RANBP9: variants seen among roughly 807,000 people sequenced by gnomAD.
RANBP9 encodes the protein ran-binding protein 9.
In RANBP9, 15 loss-of-function variants were observed where a neutral mutation model predicts 84.3. That is an observed-to-expected ratio of 0.18 (90% CI 0.12 to 0.27). RANBP9 has a LOEUF of 0.27. RANBP9 is among the 10% of genes least tolerant of loss of function. RANBP9 has a pLI of 1.00. For synonymous variants in RANBP9, 392 were observed against 349.6 expected, an observed-to-expected ratio of 1.12 and a Z score of -1.35; for missense variants, 809 against 912.8, an observed-to-expected ratio of 0.89 and a Z score of 1.46.
chr6:13,683,023 G>A (rs1373451616), intron 2 of RANBP9, among the ~76,000 whole-genome samples: 1 of 152,146 alleles, frequency 6.6e-6, no homozygotes, highest in Non-Finnish European at 1.5e-5. Context: ...AAATGTTGGG[G>A]AGGAAAACTC....
In RANBP9 at chr6:13,657,116, A is replaced by G; in HGVS notation, c.897T>C (p.His299=). The change falls in exon 4 of 14, where the codon CAT becomes CAC. Residue 299 remains histidine, a synonymous_variant. Transcript: ENST00000011619. ...NNTCFYTKNG[H]SLGIAFTDLP... The stretch of plus-strand genomic sequence containing the variant: ...AATATATTATCTCAGTACCTAAACT[A>G]TGTCCATTCTTGGTGTAAAAGCAGG... 1 of 1,609,262 alleles carries G rather than the reference A, an allele frequency of 6.2e-7. No homozygotes were observed. The highest frequency in any genetic ancestry group is 8.5e-7 in the Non-Finnish European group (1 of 1,177,166).
intron 2 of RANBP9, among the ~76,000 whole-genome samples, chr6:13,667,773 C>T (rs1765685634): frequency 6.6e-6 from 1 of 152,068 alleles, no homozygotes; most frequent in African/African-American, 2.4e-5. Flanking sequence ...TGGTCTATAC[C>T]ATTTAGGTTT....
intron 13 of RANBP9, 68 bp downstream of exon 13, chr6:13,625,585 G>T: frequency 8.7e-7 from 1 of 1,152,482 alleles, no homozygotes; most frequent in Non-Finnish European, 1.3e-6. Context: ...GTAAATGCCA[G>T]TACAAACACC....
intron 2 of RANBP9, among the ~76,000 whole-genome samples, chr6:13,669,756 CT>C (rs937580116): frequency 4.6e-5 from 7 of 152,062 alleles, no homozygotes; most frequent in Non-Finnish European, 8.8e-5. Flanking sequence ...GCCTGGCTAA[CT>C]TTTTTTCGCA....
intron 2 of RANBP9, among the ~76,000 whole-genome samples, chr6:13,659,440 A>G (rs1765491849): frequency 6.6e-6 from 1 of 152,198 alleles, no homozygotes; most frequent in Non-Finnish European, 1.5e-5. Flanking sequence ...GTTCTTTATT[A>G]TCAATTTATA....
At chr6:13,635,227 T>C (rs1016160455) in intron 10 of RANBP9, among the ~76,000 whole-genome samples, 1 of 152,232 alleles carries the variant, frequency 6.6e-6, no homozygotes, top group Admixed American at 6.5e-5. Context: ...TTTAAACTGA[T>C]GTCCTGGATA....
intron 7 of RANBP9, among the ~76,000 whole-genome samples, chr6:13,641,626 A>C (rs1765066037): frequency 6.6e-6 from 1 of 152,176 alleles, no homozygotes; most frequent in African/African-American, 2.4e-5. Flanking sequence ...GGATACTAAA[A>C]TGCCTTATCA....
intron 5 of RANBP9, 39 bp from the exon 6 acceptor site, chr6:13,644,768 T>A (rs1426203348): frequency 7.1e-7 from 1 of 1,399,440 alleles, no homozygotes; most frequent in East Asian, 2.4e-5. Context: ...CTATCCATTT[T>A]ATGTTAGATT....
At chr6:13,683,009 T>C (rs923780946) in intron 2 of RANBP9, among the ~76,000 whole-genome samples, 4 of 152,224 alleles carry the variant, frequency 2.6e-5, no homozygotes, top group African/African-American at 4.8e-5. Context: ...TTCTGTATGT[T>C]TGTAAATGTT....
intron 5 of RANBP9, among the ~76,000 whole-genome samples, chr6:13,650,501 G>A (rs965944718): frequency 9.2e-5 from 14 of 152,066 alleles, no homozygotes; most frequent in African/African-American, 3.4e-4. Context: ...CTATGGTCAG[G>A]CAGCTGTCAT....
intron 2 of RANBP9, among the ~76,000 whole-genome samples, chr6:13,668,281 T>C (rs141484574): frequency 6.6e-6 from 1 of 152,236 alleles, no homozygotes; most frequent in East Asian, 1.9e-4. Flanking sequence ...CTCAGATGGC[T>C]TCACTGGGGA....
At chr6:13,639,465 A>T in intron 9 of RANBP9, 98 bp downstream of exon 9, 2 of 1,319,380 alleles carry the variant, frequency 1.5e-6, no homozygotes, top group Middle Eastern at 2.5e-4. Flanking sequence ...AGCGTGAGCC[A>T]CCGTGCCCAG....
chr6:13,664,350 G>C (rs1033689722), intron 2 of RANBP9, among the ~76,000 whole-genome samples: 1 of 152,028 alleles, frequency 6.6e-6, no homozygotes, highest in Admixed American at 6.6e-5. Context: ...CTTAAAAGAC[G>C]TAAATAAATG....
At position 13,637,740 on chromosome 6, in the gene RANBP9, A is replaced by G. The variant is rs900022040; in HGVS notation, c.1673+68T>C. On this transcript the variant is annotated intron_variant, in intron 10 of 13. Transcript: ENST00000011619. The stretch of plus-strand genomic sequence containing the variant: ...GTCACATAATTCAAGTTCTTTCAAA[A>G]TTATTACAACGATTACACCTATAAC... The G allele has an allele frequency of 2.2e-6, 3 of 1,385,136 alleles. No homozygotes were observed. The African/African-American group carries it at 4.4e-5, about 20-fold the overall frequency. 85.8% of individuals were successfully genotyped at this position (1,385,136 alleles called of 1,614,324 possible).
chr6:13,646,991 T>C (rs576592404), intron 5 of RANBP9, among the ~76,000 whole-genome samples: 2 of 152,192 alleles, frequency 1.3e-5, no homozygotes, highest in Non-Finnish European at 2.9e-5. Flanking sequence ...TTAAAAACTT[T>C]TGCACATCAG....
rs1334896749 is a variant in RANBP9 at position 13,711,354 on chromosome 6, G to A, written c.152C>T (p.Pro51Leu). The change falls in exon 1 of 14, where the codon CCC becomes CTC. Residue 51 changes from proline to leucine, a missense_variant. This residue lies in a region of RANBP9 where 302 missense variants were observed against 240.1 expected (regional missense o/e 1.26). Transcript: ENST00000011619. ...VSAGSSPAGS[P>L]GGGAGGEGLG... ...GCCTTCGCCGCCCGCACCGCCGCCG[G>A]GCGAGCCGGCCGGAGAAGAGCCGGC... is the stretch of plus-strand genomic sequence containing the variant. 1.7e-6 allele frequency: 2 copies of A among 1,147,822 alleles called. No individual in the cohort carries two copies. The highest frequency in any genetic ancestry group is 3.3e-5 in the African/African-American group (2 of 60,964). 71.1% of individuals were successfully genotyped at this position (1,147,822 alleles called of 1,614,324 possible).
Position 13,627,983 on chromosome 6 carries a change from ATAC to A in RANBP9, c.1948-2222_1948-2220del, listed in dbSNP as rs567797269. Among the ~76,000 whole-genome samples the A allele has an allele frequency of 1.5e-3, 222 of 152,348 alleles. 1 individual carries two copies. The highest frequency in any genetic ancestry group is 5.0e-3 in the African/African-American group (208 of 41,580). On this transcript the variant is annotated intron_variant, in intron 12 of 13. Coordinates refer to ENST00000011619, the MANE Select transcript of RANBP9 (RefSeq NM_005493.3). ...ACCCTGGAACTTAAAGGAAAAAAAA[ATAC>A]TACTACACTGCAGTGTTTAAAAACT...
intron 4 of RANBP9, among the ~76,000 whole-genome samples, chr6:13,655,111 T>A (rs1402742483): frequency 6.6e-6 from 1 of 152,258 alleles, no homozygotes; most frequent in African/African-American, 2.4e-5. Context: ...TGTTATACCA[T>A]CTCTCTATGT....
intron 1 of RANBP9, among the ~76,000 whole-genome samples, chr6:13,705,450 A>G (rs1037062972): frequency 7.1e-6 from 1 of 140,624 alleles, no homozygotes; most frequent in Non-Finnish European, 1.5e-5. Flanking sequence ...ATACATTATT[A>G]TTGTCTACTG....
Sources: gnomAD v4.1 joint callset for allele counts (sites outside exome capture counted in the v4.1 genomes callset) on GRCh38, gnomAD v4.1.1 for gene constraint, gnomAD v4.1.1 regional missense constraint, MANE v1.5 for transcripts, NCBI Gene and HGNC (gene_info 2026-07-23, HGNC 2026-07-21) for gene names.